ROBO2: variants seen among roughly 807,000 people sequenced by gnomAD.
The protein encoded by ROBO2 is roundabout guidance receptor 2.
ROBO2 carries 53 observed loss-of-function variants against 160.8 expected under a neutral mutation model. The observed-to-expected ratio is 0.33, with a 90% CI of 0.26 to 0.41. The LOEUF is 0.41. Among genes scored for constraint, ROBO2 ranks in the 10% least tolerant of loss-of-function variants. The pLI, the probability that ROBO2 is intolerant of heterozygous loss-of-function variation, is 1.00. For synonymous variants in ROBO2, 664 were observed against 611.7 expected, an observed-to-expected ratio of 1.09 and a Z score of -1.26; for missense variants, 1,577 against 1,722.4, an observed-to-expected ratio of 0.92 and a Z score of 1.49.
intron 2 of ROBO2, among the ~76,000 whole-genome samples, chr3:76,238,437 C>G (rs921129201): frequency 6.6e-6 from 1 of 152,168 alleles, no homozygotes; most frequent in Non-Finnish European, 1.5e-5. Context: ...ATGCGGAAAA[C>G]CACCTCCATG....
chr3:76,482,864 T>G (rs528697178), intron 2 of ROBO2, among the ~76,000 whole-genome samples: 1 of 152,290 alleles, frequency 6.6e-6, no homozygotes, highest in East Asian at 1.9e-4. Flanking sequence ...ATCTGCAATT[T>G]CAAGCAATTT....
intron 2 of ROBO2, among the ~76,000 whole-genome samples, chr3:76,785,371 C>T (rs1378865075): frequency 6.6e-6 from 1 of 151,134 alleles, no homozygotes. Context: ...TTATAGTACT[C>T]TCTTGTTAAG....
intron 2 of ROBO2, among the ~76,000 whole-genome samples, chr3:77,109,486 A>G (rs918550769): frequency 6.6e-6 from 1 of 152,230 alleles, no homozygotes; most frequent in African/African-American, 2.4e-5. Context: ...AGGATGGTCT[A>G]GAATGTGGTA....
chr3:77,331,947 C>T (rs1162691694), intron 2 of ROBO2, among the ~76,000 whole-genome samples: 1 of 152,108 alleles, frequency 6.6e-6, no homozygotes, highest in Non-Finnish European at 1.5e-5. Flanking sequence ...CTCAGGTGAC[C>T]CACCTGCCTC....
chr3:76,276,687 A>T (rs1707943722), intron 2 of ROBO2, among the ~76,000 whole-genome samples: 1 of 152,018 alleles, frequency 6.6e-6, no homozygotes, highest in South Asian at 2.1e-4. Context: ...CTTACCAATG[A>T]GATTTAAAAT....
chr3:77,199,778 G>A (rs1445750039), intron 2 of ROBO2, among the ~76,000 whole-genome samples: 4 of 144,260 alleles, frequency 2.8e-5, no homozygotes, highest in Middle Eastern at 3.8e-3. Context: ...TTGTGCCACC[G>A]TACCTCGCTA....
At chr3:77,016,501 T>G (rs2149486867) in intron 2 of ROBO2, among the ~76,000 whole-genome samples, 1 of 152,296 alleles carries the variant, frequency 6.6e-6, no homozygotes, top group Admixed American at 6.5e-5. Flanking sequence ...TCTTTGTAAA[T>G]CCAGCTTTTG....
At chr3:76,968,228 A>G in intron 2 of ROBO2, among the ~76,000 whole-genome samples, 1 of 152,164 alleles carries the variant, frequency 6.6e-6, no homozygotes, top group Non-Finnish European at 1.5e-5. Flanking sequence ...TAGAACATAT[A>G]TGAGGCATAT....
chr3:77,589,827 C>G (rs1159988727), intron 17 of ROBO2, among the ~76,000 whole-genome samples: 2 of 152,108 alleles, frequency 1.3e-5, no homozygotes, highest in African/African-American at 4.8e-5. Flanking sequence ...CAACATTTCA[C>G]ACTTTCTAGA....
chr3:76,655,935 A>G (rs1272280493), intron 2 of ROBO2, among the ~76,000 whole-genome samples: 2 of 152,114 alleles, frequency 1.3e-5, no homozygotes, highest in Non-Finnish European at 2.9e-5. Flanking sequence ...TTAATAACAG[A>G]ATAATTTCCT....
intron 2 of ROBO2, among the ~76,000 whole-genome samples, chr3:76,244,869 AT>A (rs1301993031): frequency 6.6e-6 from 1 of 152,240 alleles, no homozygotes; most frequent in Non-Finnish European, 1.5e-5. Flanking sequence ...CACTTAATAC[AT>A]TTGGAACTTT....
At chr3:77,451,775 T>TA (rs2081136874) in intron 2 of ROBO2, among the ~76,000 whole-genome samples, 1 of 151,798 alleles carries the variant, frequency 6.6e-6, no homozygotes, top group Non-Finnish European at 1.5e-5. Flanking sequence ...ATCCTTTTTT[T>TA]TTAATTTTTT....
At chr3:76,196,399 G>C (rs1210187723) in intron 2 of ROBO2, among the ~76,000 whole-genome samples, 1 of 152,086 alleles carries the variant, frequency 6.6e-6, no homozygotes, top group Non-Finnish European at 1.5e-5. Flanking sequence ...AGTGTTTACT[G>C]GGGGAGAGAG....
At chr3:76,289,862 G>A (rs1051246330) in intron 2 of ROBO2, among the ~76,000 whole-genome samples, 1 of 152,054 alleles carries the variant, frequency 6.6e-6, no homozygotes, top group South Asian at 2.1e-4. Context: ...GTCTATTTTT[G>A]TATCAGTACT....
At chr3:76,163,294 A>T (rs2106935194) in intron 2 of ROBO2, among the ~76,000 whole-genome samples, 1 of 151,928 alleles carries the variant, frequency 6.6e-6, no homozygotes, top group East Asian at 1.9e-4. Context: ...GTTCCAAAAG[A>T]TTATATTTGT....
intron 2 of ROBO2, among the ~76,000 whole-genome samples, chr3:76,000,582 G>A (rs552518139): frequency 3.3e-4 from 49 of 148,988 alleles, no homozygotes; most frequent in Admixed American, 1.4e-3. Context: ...TCCGCCTCCC[G>A]GGTTCATGCC....
intron 2 of ROBO2, among the ~76,000 whole-genome samples, chr3:75,940,979 G>A (rs1004539536): frequency 1.3e-5 from 2 of 152,146 alleles, no homozygotes; most frequent in Non-Finnish European, 2.9e-5. Context: ...TGGCTGAAGT[G>A]CAGTGGTGCA....
At chr3:76,526,922 TA>T (rs2081977311) in intron 2 of ROBO2, among the ~76,000 whole-genome samples, 1 of 152,132 alleles carries the variant, frequency 6.6e-6, no homozygotes, top group African/African-American at 2.4e-5. Flanking sequence ...CAGAAGCCTA[TA>T]AAACTACCAT....
At chr3:76,694,417 T>C (rs778175098) in intron 2 of ROBO2, among the ~76,000 whole-genome samples, 1 of 152,168 alleles carries the variant, frequency 6.6e-6, no homozygotes, top group East Asian at 1.9e-4. Flanking sequence ...GTGACTGTTA[T>C]ATTAAGAGCC....
Sources: gnomAD v4.1 joint callset for allele counts (sites outside exome capture counted in the v4.1 genomes callset) on GRCh38, gnomAD v4.1.1 for gene constraint, MANE v1.5 for transcripts, NCBI Gene and HGNC (gene_info 2026-07-23, HGNC 2026-07-21) for gene names.